The following METTL15 variants were observed in gnomAD, a reference collection of about 807,000 sequenced individuals.
METTL15 encodes 12S rRNA N(4)-cytidine methyltransferase METTL15.
In METTL15, 34 loss-of-function variants were observed where a neutral mutation model predicts 38.3. The ratio of observed to expected loss-of-function variants is 0.89; its 90% confidence interval spans 0.68 to 1.18. The LOEUF is 1.18. Among genes scored for constraint, METTL15 ranks in the 50% most tolerant of loss-of-function variants. METTL15 has a pLI of 0.00. For missense variants in METTL15, 438 were observed against 498.4 expected, an observed-to-expected ratio of 0.88 and a Z score of 1.15; for synonymous variants, 162 against 170.9, an observed-to-expected ratio of 0.95 and a Z score of 0.41.
chr11:28,163,604 A>C (rs965734058), intron 3 of METTL15: 2 of 394,748 alleles, frequency 5.1e-6, no homozygotes, highest in African/African-American at 2.1e-5. Flanking sequence ...GTATTTCCTC[A>C]CCTTCAATGA....
rs189045034 is a variant in METTL15, at chr11:28,244,982, G to A, written c.407+33784G>A. Among the ~76,000 whole-genome samples, 221 of 152,258 alleles carry A rather than the reference G, an allele frequency of 1.5e-3. 1 individual carries two copies. Among genetic ancestry groups the A allele is most frequent in the South Asian group, 8.3e-4 (4 of 4,826 alleles). On this transcript the variant is annotated intron_variant, in intron 4 of 6. Transcript: ENST00000407364. ...GTGCAGCCTGCAAGGTTTAATCCCC[G>A]GAAATACAAAGCAGAGCAGGAAAAG...
chr11:28,109,274 T>A (rs1355725544), intron 1 of METTL15, among the ~76,000 whole-genome samples: 1 of 152,192 alleles, frequency 6.6e-6, no homozygotes, highest in Non-Finnish European at 1.5e-5. Flanking sequence ...AGCTACTACT[T>A]ATTTTTGGCT....
At chr11:28,382,757 C>T (rs979048347) in intron 5 of METTL15, among the ~76,000 whole-genome samples, 9 of 151,914 alleles carry the variant, frequency 5.9e-5, no homozygotes, top group Non-Finnish European at 8.8e-5. Context: ...ATTGCTTGAA[C>T]CCAGGAGGCA....
chr11:28,128,740 C>T lies in METTL15; in HGVS notation c.270+15136C>T, dbSNP rs189273442. Reference sequence around the variant, plus strand: ...AAAGTGTGAGTAGGGAAACTAAATTCTATAAAATGAATTTTATGATCATTC... The same window carrying T: ...AAAGTGTGAGTAGGGAAACTAAATTTTATAAAATGAATTTTATGATCATTC... On this transcript the variant is annotated intron_variant, in intron 3 of 6. Coordinates refer to ENST00000407364, the MANE Select transcript of METTL15 (RefSeq NM_001113528.2). 5.3e-5 allele frequency among the ~76,000 whole-genome samples: 8 copies of T among 152,196 alleles called. 1 individual carries two copies. The highest frequency in any genetic ancestry group is 2.6e-4 in the Admixed American group (4 of 15,276).
At chr11:28,122,371 G>GTGTGTATATA (rs1437112554) in intron 3 of METTL15, among the ~76,000 whole-genome samples, 1 of 77,650 alleles carries the variant, frequency 1.3e-5, no homozygotes. Flanking sequence ...GTGTGTGTGT[G>GTGTGTATATA]TATATATATA....
intron 5 of METTL15, among the ~76,000 whole-genome samples, chr11:28,384,140 T>C (rs1336345042): frequency 6.6e-6 from 1 of 152,146 alleles, no homozygotes; most frequent in African/African-American, 2.4e-5. Flanking sequence ...GGATAAGATA[T>C]TGTTCATTTT....
chr11:28,513,225 C>T (rs1412265264), intron 6 of METTL15, among the ~76,000 whole-genome samples: 2 of 152,136 alleles, frequency 1.3e-5, no homozygotes, highest in African/African-American at 2.4e-5. Context: ...ATGACTGGGA[C>T]GTCTCCAAAT....
At chr11:28,396,933 A>G (rs1285390772) in intron 5 of METTL15, among the ~76,000 whole-genome samples, 3 of 151,526 alleles carry the variant, frequency 2.0e-5, no homozygotes, top group Non-Finnish European at 2.9e-5. Context: ...CAGAAATAAT[A>G]CCACACATGT....
intron 3 of METTL15, among the ~76,000 whole-genome samples, chr11:28,142,185 C>G (rs1357315251): frequency 6.6e-6 from 1 of 152,144 alleles, no homozygotes; most frequent in Non-Finnish European, 1.5e-5. Context: ...TTGTACAACA[C>G]TTCATTCCAT....
At chr11:28,116,226 A>T (rs1851950991) in intron 3 of METTL15, among the ~76,000 whole-genome samples, 1 of 152,124 alleles carries the variant, frequency 6.6e-6, no homozygotes, top group Non-Finnish European at 1.5e-5. Context: ...GCAATGTAAA[A>T]AATGTTGGTT....
chr11:28,268,154 G>C (rs1466467193), intron 4 of METTL15, among the ~76,000 whole-genome samples: 2 of 113,132 alleles, frequency 1.8e-5, no homozygotes, highest in African/African-American at 3.4e-5. Context: ...CCGAGATCCC[G>C]CCACTGCACT....
intron 6 of METTL15, among the ~76,000 whole-genome samples, chr11:28,519,948 C>T (rs1851751661): frequency 6.6e-6 from 1 of 152,150 alleles, no homozygotes; most frequent in South Asian, 2.1e-4. Flanking sequence ...ACGGCTGATT[C>T]TCCTTAAAGC....
chr11:28,403,027 A>G (rs2133405579), intron 5 of METTL15, among the ~76,000 whole-genome samples: 1 of 152,162 alleles, frequency 6.6e-6, no homozygotes, highest in Non-Finnish European at 1.5e-5. Context: ...TCTGCCTGGA[A>G]CATTCTTGCT....
intron 6 of METTL15, among the ~76,000 whole-genome samples, chr11:28,301,720 T>A (rs935862579): frequency 6.6e-6 from 1 of 152,150 alleles, no homozygotes; most frequent in African/African-American, 2.4e-5. Context: ...GCTTTTTAAA[T>A]GTGGCTATAG....
At chr11:28,184,074 G>A (rs926615408) in intron 3 of METTL15, among the ~76,000 whole-genome samples, 11 of 151,984 alleles carry the variant, frequency 7.2e-5, no homozygotes, top group African/African-American at 2.4e-4. Flanking sequence ...TCTGATGGTA[G>A]TTTGTATTTC....
At chr11:28,238,699 C>T (rs567682574) in intron 4 of METTL15, among the ~76,000 whole-genome samples, 9 of 152,320 alleles carry the variant, frequency 5.9e-5, no homozygotes, top group East Asian at 1.9e-4. Flanking sequence ...TCTCCTGCGT[C>T]GCTCACGCTG....
chr11:28,324,464 A>G (rs1849567930), intron 6 of METTL15, among the ~76,000 whole-genome samples: 1 of 152,208 alleles, frequency 6.6e-6, no homozygotes. Flanking sequence ...CAGGTGCTCC[A>G]TTGCATGTAC....
At chr11:28,204,425 C>T (rs1040311153) in intron 3 of METTL15, among the ~76,000 whole-genome samples, 13 of 139,630 alleles carry the variant, frequency 9.3e-5, no homozygotes, top group African/African-American at 3.4e-4. Flanking sequence ...CTCTCTGCAC[C>T]TGAGTTTTCC....
intron 4 of METTL15, among the ~76,000 whole-genome samples, chr11:28,267,284 TCTC>T (rs756567204): frequency 1.3e-5 from 2 of 151,832 alleles, no homozygotes; most frequent in African/African-American, 4.8e-5. Context: ...TCCTTGTTCA[TCTC>T]CTCAAAATTG....
Sources: gnomAD v4.1 joint callset for allele counts (sites outside exome capture counted in the v4.1 genomes callset) on GRCh38, gnomAD v4.1.1 for gene constraint, MANE v1.5 for transcripts, NCBI Gene and HGNC (gene_info 2026-07-23, HGNC 2026-07-21) for gene names.